Variants in DDB2 observed in about 807,000 individuals in gnomAD.
DDB2 encodes DNA damage-binding protein 2.
DDB2 carries 27 observed loss-of-function variants against 50.5 expected under a neutral mutation model. That is an observed-to-expected ratio of 0.53 (90% CI 0.39 to 0.74). The LOEUF is 0.74. Ranked by LOEUF, DDB2 falls within the 30% of genes least tolerant of loss-of-function variation. DDB2 has a pLI of 0.00. For synonymous variants in DDB2, 176 were observed against 205.5 expected, an observed-to-expected ratio of 0.86 and a Z score of 1.23; for missense variants, 424 against 545.6, an observed-to-expected ratio of 0.78 and a Z score of 2.22.
At chr11:47,226,674 C>T (rs189010538) in intron 3 of DDB2, among the ~76,000 whole-genome samples, 40 of 150,706 alleles carry the variant, frequency 2.7e-4, no homozygotes, top group African/African-American at 9.5e-4. Flanking sequence ...AGCATCTTTA[C>T]GTGTGCTTCT....
intron 7 of DDB2, among the ~76,000 whole-genome samples, chr11:47,236,635 T>C (rs558971017): frequency 2.0e-5 from 3 of 152,378 alleles, no homozygotes; most frequent in Non-Finnish European, 4.4e-5. Flanking sequence ...GTTGTGAAGA[T>C]GAGTCAGTAT....
chr11:47,233,617 G>T (rs1953679925), intron 4 of DDB2: 2 of 155,496 alleles, frequency 1.3e-5, no homozygotes, highest in South Asian at 3.9e-4. Context: ...GCTGAAGCAA[G>T]AGAATCGCTT....
intron 3 of DDB2, among the ~76,000 whole-genome samples, chr11:47,227,776 AT>A (rs1953581968): frequency 6.6e-6 from 1 of 152,162 alleles, no homozygotes; most frequent in Non-Finnish European, 1.5e-5. Flanking sequence ...GCTGGCAAAT[AT>A]TTTAAGATCT....
chr11:47,232,356 G>C (rs1419366040), intron 3 of DDB2, among the ~76,000 whole-genome samples: 2 of 151,626 alleles, frequency 1.3e-5, no homozygotes, highest in African/African-American at 4.8e-5. Flanking sequence ...ATAAAAAAAA[G>C]AAAGAAATGA....
intron 1 of DDB2, chr11:47,215,696 A>G (rs538686021): frequency 1.0e-5 from 3 of 291,254 alleles, no homozygotes; most frequent in Admixed American, 4.9e-5. Flanking sequence ...ACCTGGGGCT[A>G]TAAGGAGTTT....
At chr11:47,233,441 C>G (rs2135509852) in intron 4 of DDB2, 1 of 220,776 alleles carries the variant, frequency 4.5e-6, no homozygotes, top group East Asian at 1.0e-4. Flanking sequence ...TGCAGTGGCT[C>G]ATGCTTGAAA....
chr11:47,228,977 A>ATATCTCTCTATCTATC (rs1554974379), intron 3 of DDB2, among the ~76,000 whole-genome samples: 53 of 124,690 alleles, frequency 4.3e-4, no homozygotes, highest in Non-Finnish European at 7.9e-4. Flanking sequence ...AAAAAAAGAA[A>ATATCTCTCTATCTATC]TATCTATCTA....
intron 3 of DDB2, among the ~76,000 whole-genome samples, chr11:47,221,020 G>A (rs1953477736): frequency 6.6e-6 from 1 of 151,750 alleles, no homozygotes; most frequent in Non-Finnish European, 1.5e-5. Flanking sequence ...AAAATTAGCC[G>A]GGAGTAGTGG....
chr11:47,228,000 C>T (rs763589079), intron 3 of DDB2, among the ~76,000 whole-genome samples: 14 of 151,540 alleles, frequency 9.2e-5, no homozygotes, highest in Non-Finnish European at 1.9e-4. Flanking sequence ...ATTAGCTGGG[C>T]GTGGTGGCGC....
chr11:47,215,592 G>A, intron 1 of DDB2: 1 of 383,948 alleles, frequency 2.6e-6, no homozygotes, highest in South Asian at 2.2e-5. Context: ...TCATAGTCAC[G>A]CTTGTTAGCT....
Position 47,239,005 on chromosome 11 carries a change from A to C in DDB2, c.*156A>C. ...GGACCTGGGGCACTGTGGGACTGGGACACTTTTATGTTAATGCTCTGGACT... is the reference window on the plus strand; with the variant it reads ...GGACCTGGGGCACTGTGGGACTGGGCCACTTTTATGTTAATGCTCTGGACT... On this transcript the variant is annotated 3_prime_UTR_variant, in exon 10 of 10. Transcript: ENST00000256996. 1.4e-6 allele frequency: 1 copy of C among 715,680 alleles called. No homozygotes were observed. The highest frequency in any genetic ancestry group is 2.8e-5 in the East Asian group (1 of 36,362). 44.3% of individuals were successfully genotyped at this position (715,680 alleles called of 1,614,324 possible).
At chr11:47,220,682 T>TC (rs1232393664) in intron 3 of DDB2, 1 of 152,192 alleles carries the variant, frequency 6.6e-6, no homozygotes, top group East Asian at 1.9e-4. Context: ...CTGGTTTTAC[T>TC]CCCAGATGCT....
chr11:47,216,460 A>G lies in DDB2; in HGVS notation c.252A>G (p.Pro84=), dbSNP rs1196418577. 2 of 1,613,438 alleles carry G rather than the reference A, an allele frequency of 1.2e-6. No homozygotes were observed. Among genetic ancestry groups the G allele is most frequent in the Non-Finnish European group, 1.7e-6 (2 of 1,180,030 alleles). ...ATAAGCTGGGCAGAGCTTCCTGGCC[A>G]TCTGTCCAGCAGGTAAGGCATTTTT... ...HQHKLGRASW[P]SVQQGLQQSF... Residue 84 remains proline, a synonymous_variant, in exon 2 of 10, where the codon CCA becomes CCG. Coordinates refer to ENST00000256996, the MANE Select transcript of DDB2 (RefSeq NM_000107.3).
In DDB2 at chr11:47,238,120, A is replaced by T; in HGVS notation, c.1189-18A>T. 1 of 1,612,646 alleles carries T rather than the reference A, an allele frequency of 6.2e-7. No individual in the cohort carries two copies. Among genetic ancestry groups the T allele is most frequent in the Non-Finnish European group, 8.5e-7 (1 of 1,179,226 alleles). The stretch of plus-strand genomic sequence containing the variant: ...ATACCTTCACCCTCTCCTCATGTTG[A>T]CACTCTTGTCTCTGCAGCTTAATGA... On this transcript the variant is annotated intron_variant, in intron 8 of 9. Coordinates refer to ENST00000256996, the MANE Select transcript of DDB2 (RefSeq NM_000107.3).
At chr11:47,227,505 ATT>A (rs776207791) in intron 3 of DDB2, among the ~76,000 whole-genome samples, 1 of 136,506 alleles carries the variant, frequency 7.3e-6, no homozygotes. Flanking sequence ...TGATGCCTGA[ATT>A]TTTTTTTTTT....
At position 47,216,870 on chromosome 11, in the gene DDB2, T is replaced by C. The variant is rs762843794; in HGVS notation, c.277T>C (p.Ser93Pro). 6.2e-7 allele frequency: 1 copy of C among 1,613,944 alleles called. No individual in the cohort carries two copies. Residue 93 changes from serine to proline, a missense_variant, in exon 3 of 10, where the codon TCC becomes CCC. Coordinates refer to ENST00000256996, the MANE Select transcript of DDB2 (RefSeq NM_000107.3). ...CTCTCTGTGGCAGGGGCTCCAGCAG[T>C]CCTTTTTGCACACTCTGGATTCTTA... The part of the protein sequence containing the change: ...WPSVQQGLQQ[S>P]FLHTLDSYRI...
intron 3 of DDB2, among the ~76,000 whole-genome samples, chr11:47,230,636 G>T (rs1039326671): frequency 2.0e-5 from 3 of 152,174 alleles, no homozygotes; most frequent in Non-Finnish European, 4.4e-5. Flanking sequence ...TAGAATGACC[G>T]TGAGGTTAGA....
intron 7 of DDB2, chr11:47,235,721 C>T (rs924665576): frequency 2.9e-5 from 13 of 454,450 alleles, no homozygotes; most frequent in Non-Finnish European, 4.9e-5. Context: ...CTTCAGTTAC[C>T]TGTGTACAGT....
chr11:47,230,542 C>T (rs549061517), intron 3 of DDB2, among the ~76,000 whole-genome samples: 6 of 152,056 alleles, frequency 3.9e-5, no homozygotes, highest in Non-Finnish European at 8.8e-5. Context: ...TACAACCAAC[C>T]CTTGGTTTGG....
Sources: gnomAD v4.1 joint callset for allele counts (sites outside exome capture counted in the v4.1 genomes callset) on GRCh38, gnomAD v4.1.1 for gene constraint, MANE v1.5 for transcripts, NCBI Gene and HGNC (gene_info 2026-07-23, HGNC 2026-07-21) for gene names.